POLR3A: variants seen among roughly 807,000 people sequenced by gnomAD.
POLR3A encodes the protein RNA polymerase III subunit A.
A neutral mutation model predicts 152.8 loss-of-function variants in POLR3A; 112 were observed. The ratio of observed to expected loss-of-function variants is 0.73; its 90% confidence interval spans 0.63 to 0.86. The LOEUF is 0.86. POLR3A is among the 40% of genes least tolerant of loss of function. POLR3A has a pLI of 0.00. For missense variants in POLR3A, 1,385 were observed against 1,743.1 expected (o/e 0.79, Z 3.66); for synonymous variants, 615 against 652.1 (o/e 0.94, Z 0.87).
intron 16 of POLR3A, among the ~76,000 whole-genome samples, chr10:78,002,682 T>C (rs942854260): frequency 4.6e-5 from 7 of 152,052 alleles, no homozygotes; most frequent in Non-Finnish European, 8.8e-5. Flanking sequence ...CAGGTATATG[T>C]CCCTACCAGG....
At chr10:78,017,512 T>C (rs994676334) in intron 10 of POLR3A, 63 bp downstream of exon 10, 221 of 1,506,152 alleles carry the variant, frequency 1.5e-4, no homozygotes, top group East Asian at 2.3e-5. Flanking sequence ...GTCCACTGTT[T>C]AGCACTGAAC....
In POLR3A at chr10:78,026,187, G is replaced by A. The variant is rs1362172671; in HGVS notation, c.87C>T (p.Arg29=). 6.2e-7 allele frequency: 1 copy of A among 1,614,074 alleles called. No individual in the cohort carries two copies. Among genetic ancestry groups the A allele is most frequent in the Non-Finnish European group, 8.5e-7 (1 of 1,180,038 alleles). The part of the protein sequence containing the change: ...CFGMKSPEEM[R]QQAHIQVVSK... ...TCACAACTTGGATGTGCGCCTGCTG[G>A]CGCATCTCCTCAGGTGACTTCATTC... Residue 29 remains arginine (R), a synonymous_variant, in exon 2 of 31, where the codon CGC becomes CGT. Transcript: ENST00000372371.
intron 19 of POLR3A, among the ~76,000 whole-genome samples, chr10:77,994,266 T>C (rs1234069932): frequency 2.6e-5 from 4 of 152,022 alleles, no homozygotes; most frequent in Admixed American, 6.5e-5. Context: ...GGAGAGATGA[T>C]GGAAATAGGC....
chr10:77,993,251 A>G lies in POLR3A; in HGVS notation c.2733T>C (p.Ala911=). The G allele has an allele frequency of 8.1e-6, 13 of 1,613,728 alleles. No homozygotes were observed. The highest frequency in any genetic ancestry group is 1.1e-5 in the Non-Finnish European group (13 of 1,179,632). The change falls in exon 20 of 31, where the codon GCT becomes GCC. Residue 911 remains alanine (A), a synonymous_variant. Coordinates refer to ENST00000372371, the MANE Select transcript of POLR3A (RefSeq NM_007055.4). ...IYGGDGLDPA[A]MEGKDEPLEF... is the part of the protein sequence containing the mutation. ...CCAAAGGTTCATCTTTTCCCTCCAT[A>G]GCTGCAGGATCTAAGCCATCTCCTC...
chr10:77,988,066 G>A (rs1847214327), intron 21 of POLR3A, among the ~76,000 whole-genome samples: 1 of 152,164 alleles, frequency 6.6e-6, no homozygotes, highest in African/African-American at 2.4e-5. Flanking sequence ...GGGCTACCTC[G>A]GGGGCCCAAC....
At chr10:78,012,194 GTC>G (rs1847472722) in intron 11 of POLR3A, among the ~76,000 whole-genome samples, 1 of 152,040 alleles carries the variant, frequency 6.6e-6, no homozygotes, top group African/African-American at 2.4e-5. Flanking sequence ...GTGAAACCCT[GTC>G]TCTACTAAGA....
In POLR3A at chr10:77,984,214, G is replaced by C; in HGVS notation, c.3327C>G (p.Leu1109=). 1 of 1,600,956 alleles carries C rather than the reference G, an allele frequency of 6.2e-7. No individual in the cohort carries two copies. Among genetic ancestry groups the C allele is most frequent in the Non-Finnish European group, 8.6e-7 (1 of 1,168,192 alleles). The change falls in exon 25 of 31, where the codon CTC becomes CTG. Residue 1109 remains leucine, a synonymous_variant. Transcript: ENST00000372371. ...RLVKGRIEKT[L]LGEISEYIEE... ...AGGGATTTCTTCTTACCTCTCCCAA[G>C]AGGGTTTTCTCAATTCTCCCTTTCA...
At chr10:77,991,959 G>A (rs1051496398) in intron 20 of POLR3A, among the ~76,000 whole-genome samples, 9 of 152,146 alleles carry the variant, frequency 5.9e-5, no homozygotes, top group Non-Finnish European at 8.8e-5. Context: ...TGTAAGCAGC[G>A]TAGAAAAAAC....
At position 78,002,354 on chromosome 10, in the gene POLR3A, C is replaced by T. The variant is rs763264181; in HGVS notation, c.2248-46G>A. 4.4e-5 allele frequency: 51 copies of T among 1,169,414 alleles called. 1 individual carries two copies. In the South Asian group the frequency reaches 6.4e-4, roughly 15 times the overall value. 72.4% of individuals were successfully genotyped at this position (1,169,414 alleles called of 1,614,324 possible). ...CCTTGGTGGGTTGTCCTCATTGTCTCTGTGGATTACAAATGTTCAATCTAA... is the reference window on the plus strand; with the variant it reads ...CCTTGGTGGGTTGTCCTCATTGTCTTTGTGGATTACAAATGTTCAATCTAA... On this transcript the variant is annotated intron_variant, in intron 16 of 30. Coordinates refer to ENST00000372371, the MANE Select transcript of POLR3A (RefSeq NM_007055.4).
intron 5 of POLR3A, among the ~76,000 whole-genome samples, chr10:78,023,968 T>C (rs1337391312): frequency 1.3e-5 from 2 of 151,670 alleles, no homozygotes; most frequent in East Asian, 3.9e-4. Flanking sequence ...CAAGACCCCA[T>C]CTCAATTAAA....
chr10:78,002,530 T>C (rs1847367675), intron 16 of POLR3A, among the ~76,000 whole-genome samples: 1 of 152,196 alleles, frequency 6.6e-6, no homozygotes, highest in Admixed American at 6.5e-5. Flanking sequence ...AAACAGTTTA[T>C]CTTTTTTTTG....
intron 27 of POLR3A, 124 bp from the exon 28 acceptor site, chr10:77,982,442 A>C: frequency 9.7e-7 from 1 of 1,026,512 alleles, no homozygotes; most frequent in East Asian, 2.4e-5. Flanking sequence ...TTTAGGGATA[A>C]GGGAGAACAG....
At chr10:77,999,439 A>G (rs1391251920) in intron 19 of POLR3A, among the ~76,000 whole-genome samples, 1 of 152,172 alleles carries the variant, frequency 6.6e-6, no homozygotes, top group Non-Finnish European at 1.5e-5. Context: ...CTTTTGTGGT[A>G]AAGTTTGAGA....
chr10:78,002,251 G>T lies in POLR3A; in HGVS notation c.2305C>A (p.Arg769=). 6.2e-7 allele frequency: 1 copy of T among 1,604,958 alleles called. No homozygotes were observed. The highest frequency in any genetic ancestry group is 8.5e-7 in the Non-Finnish European group (1 of 1,176,400). The change falls in exon 17 of 31, where the codon CGG becomes AGG. Residue 769 remains arginine, a synonymous_variant. Transcript: ENST00000372371. ...GGGCTGTTGCTCTTGTCCAGCTCCC[G>T]GAGGCAGGCACTGCCAGCGTGGTCA... The part of the protein sequence containing the change: ...IRDHAGSACL[R]ELDKSNSPLT...
At chr10:78,002,109 G>C (rs1418521747) in intron 17 of POLR3A, 88 bp downstream of exon 17, 1 of 718,408 alleles carries the variant, frequency 1.4e-6, no homozygotes, top group Non-Finnish European at 2.4e-6. Context: ...TGAAATGTCT[G>C]TTTGGAGCTG....
At chr10:78,023,243 C>T (rs1847597627) in intron 5 of POLR3A, among the ~76,000 whole-genome samples, 3 of 151,726 alleles carry the variant, frequency 2.0e-5, no homozygotes, top group Admixed American at 1.3e-4. Flanking sequence ...GGTGGGTCAC[C>T]TGAGGTCAGG....
chr10:77,981,250 C>T (rs1260739449), intron 29 of POLR3A, among the ~76,000 whole-genome samples, 178 bp downstream of exon 29: 1 of 152,188 alleles, frequency 6.6e-6, no homozygotes, highest in Non-Finnish European at 1.5e-5. Flanking sequence ...GGGATTTCAC[C>T]AGGACACTCA....
chr10:78,027,706 G>A (rs1847650754), intron 1 of POLR3A, among the ~76,000 whole-genome samples: 1 of 151,812 alleles, frequency 6.6e-6, no homozygotes, highest in African/African-American at 2.4e-5. Flanking sequence ...ATACAGGCAT[G>A]CGCCACCGCA....
chr10:77,996,100 T>C (rs1273505238), intron 19 of POLR3A, among the ~76,000 whole-genome samples: 2 of 152,082 alleles, frequency 1.3e-5, no homozygotes, highest in Non-Finnish European at 2.9e-5. Flanking sequence ...ATAAAGATGT[T>C]CTTTGAAACC....
Sources: allele counts gnomAD v4.1 joint callset (sites outside exome capture counted in the v4.1 genomes callset), GRCh38; gene constraint gnomAD v4.1.1; transcripts MANE v1.5; gene names NCBI Gene and HGNC (gene_info 2026-07-23, HGNC 2026-07-21).